EML5: variants seen among roughly 807,000 people sequenced by gnomAD.
EML5 encodes EMAP like 5, also known as echinoderm microtubule-associated protein-like 5.
In EML5, 120 loss-of-function variants were observed where a neutral mutation model predicts 250.0. That is an observed-to-expected ratio of 0.48 (90% CI 0.41 to 0.56). The LOEUF (loss-of-function observed/expected upper bound fraction) is 0.56, where lower values mean the gene tolerates loss of function less well. Ranked by LOEUF, EML5 falls within the 20% of genes least tolerant of loss-of-function variation. The probability of loss-of-function intolerance (pLI) is 0.00; values close to 1 mark genes in which losing one functional copy is unlikely to be tolerated. For missense variants in EML5, 2,006 were observed against 2,437.6 expected (o/e 0.82, Z 3.73); for synonymous variants, 771 against 806.5 (o/e 0.96, Z 0.75).
At position 88,705,565 on chromosome 14, in the gene EML5, C is replaced by A; in HGVS notation, c.1849G>T (p.Asp617Tyr). The change falls in exon 12 of 44, where the codon GAT becomes TAT. Residue 617 changes from aspartate to tyrosine, a missense_variant. Coordinates refer to ENST00000554922, the MANE Select transcript of EML5 (RefSeq NM_183387.3). ...TCAGACAGATCTGAATCTGATTCATCACTATGAGAGTCAGCCAGACTTTCT... is the reference window on the plus strand; with the variant it reads ...TCAGACAGATCTGAATCTGATTCATAACTATGAGAGTCAGCCAGACTTTCT... Reference protein sequence around the residue: ...PQESLADSHSDESDSDLSDVP... With the variant: ...PQESLADSHSYESDSDLSDVP... The A allele has an allele frequency of 6.3e-7, 1 of 1,596,774 alleles. No homozygotes were observed. The highest frequency in any genetic ancestry group is 1.1e-5 in the South Asian group (1 of 87,996).
In EML5 at chr14:88,642,933, A is replaced by C; in HGVS notation, c.4197T>G (p.Tyr1399Ter). ...GCAGAATTCCAACAGATGCAGTGTG[A>C]TAAATTATATCATCACCATCATTTA... ...HYLNDGDDII[Y>*]HTASVGILHN... Residue 1399 changes from tyrosine (Y) to a stop codon, truncating the protein, a stop_gained, in exon 31 of 44, where the codon TAT becomes TAG. Transcript: ENST00000554922. LOFTEE classifies it high-confidence loss of function. The C allele has an allele frequency of 6.2e-7, 1 of 1,606,776 alleles. No individual in the cohort carries two copies. The highest frequency in any genetic ancestry group is 8.5e-7 in the Non-Finnish European group (1 of 1,177,728).
intron 14 of EML5, among the ~76,000 whole-genome samples, chr14:88,699,832 C>CA (rs2093166661): frequency 6.6e-6 from 1 of 152,102 alleles, no homozygotes; most frequent in Admixed American, 6.6e-5. Flanking sequence ...AAGAAGGAAA[C>CA]ACGAAACGAT....
Position 88,624,981 on chromosome 14 carries a change from TC to T in EML5, c.4886del (p.Gly1629GlufsTer19). 1 of 1,613,340 alleles carries T rather than the reference TC, an allele frequency of 6.2e-7. No homozygotes were observed. The highest frequency in any genetic ancestry group is 8.5e-7 in the Non-Finnish European group (1 of 1,179,588). On this transcript the variant is annotated frameshift_variant, in exon 36 of 44. Transcript: ENST00000554922. LOFTEE classifies it high-confidence loss of function. ...TLRDGLIVTG[G>X]KERPSKEGGA... ...GAAAGAGGACTCACGGCCTTTCCTTTCCCCCAGTCACGATAAGTCCATCTCG... is the reference window on the plus strand; with the variant it reads ...GAAAGAGGACTCACGGCCTTTCCTTTCCCCAGTCACGATAAGTCCATCTCG...
chr14:88,647,520 G>A (rs1357142849), intron 28 of EML5, among the ~76,000 whole-genome samples: 4 of 151,744 alleles, frequency 2.6e-5, no homozygotes, highest in African/African-American at 7.3e-5. Flanking sequence ...AACACTGTGA[G>A]ACCCCATCTC....
rs546943104 is a variant in EML5 at position 88,638,844 on chromosome 14, G to C, written c.4301C>G (p.Pro1434Arg). 1 of 1,597,468 alleles carries C rather than the reference G, an allele frequency of 6.3e-7. No homozygotes were observed. The highest frequency in any genetic ancestry group is 1.3e-5 in the African/African-American group (1 of 74,730). ...AGTTGCCACTATGTTGATAAATTTG[G>C]GGTGCTGGTTTACTGTGAGGCACAG... ...DILCLTVNQHPKFINIVATGQ... is the reference protein window; with the variant it reads ...DILCLTVNQHRKFINIVATGQ... Residue 1434 changes from proline to arginine, a missense_variant, in exon 32 of 44, where the codon CCC becomes CGC. By Grantham distance (103) the Pro-to-Arg change is moderately radical. This residue lies in a region of EML5 where 1,375 missense variants were observed against 1,590.3 expected (regional missense o/e 0.86). Transcript: ENST00000554922.
chr14:88,746,484 GA>G, intron 2 of EML5, among the ~76,000 whole-genome samples: 2 of 152,214 alleles, frequency 1.3e-5, no homozygotes, highest in South Asian at 4.1e-4. Context: ...TTCACATTAT[GA>G]AACAGAAGAG....
chr14:88,777,013 G>C (rs764684675), intron 1 of EML5, among the ~76,000 whole-genome samples: 15 of 152,092 alleles, frequency 9.9e-5, no homozygotes, highest in Non-Finnish European at 1.5e-4. Flanking sequence ...GGAGTAGAAA[G>C]GTTATTCAAA....
chr14:88,712,273 T>C lies in EML5; in HGVS notation c.1655A>G (p.Lys552Arg). 6.2e-7 allele frequency: 1 copy of C among 1,604,202 alleles called. No homozygotes were observed. The highest frequency in any genetic ancestry group is 1.1e-5 in the South Asian group (1 of 90,606). ...IKLFRYPCLR[K>R]GAKFRKYIGH... is the part of the protein sequence containing the mutation. ...TAATATTTTGAAAGAAAAGGTACCTTTTCTTAAACATGGATATCGGAATAA... is the reference window on the plus strand; with the variant it reads ...TAATATTTTGAAAGAAAAGGTACCTCTTCTTAAACATGGATATCGGAATAA... The change falls in exon 10 of 44, where the codon AAA (lysine) becomes AGA (arginine). Residue 552 changes from lysine (K) to arginine (R), a missense_variant and splice_region_variant. Lys to Arg is a conservative substitution (Grantham distance 26, BLOSUM62 2). Around this residue, in one of 7 missense-constraint regions of EML5, gnomAD observed 1,375 missense variants for 1,590.3 expected, o/e 0.86. Coordinates refer to ENST00000554922, the MANE Select transcript of EML5 (RefSeq NM_183387.3).
chr14:88,719,619 A>ATAATT (rs750743713), intron 8 of EML5, among the ~76,000 whole-genome samples: 69 of 152,226 alleles, frequency 4.5e-4, no homozygotes, highest in Middle Eastern at 3.4e-3. Flanking sequence ...ATGTGTATAT[A>ATAATT]TAATTTTCTA....
rs546134502 is a variant in EML5 at position 88,674,487 on chromosome 14, C to T, written c.3124+7403G>A. 8.5e-5 allele frequency among the ~76,000 whole-genome samples: 13 copies of T among 152,188 alleles called. No homozygotes were observed. In the South Asian group the frequency reaches 2.3e-3, roughly 27 times the overall value. ...CCAGACACATAAAACCATCAGATGT[C>T]GTGAGACTCACTATCACGAGAACAG... On this transcript the variant is annotated intron_variant, in intron 21 of 43. Transcript: ENST00000554922.
At chr14:88,642,779 G>T in intron 31 of EML5, 114 bp downstream of exon 31, 1 of 996,464 alleles carries the variant, frequency 1.0e-6, no homozygotes, top group Non-Finnish European at 1.5e-6. Context: ...ATTCTGGAGT[G>T]TTTCTCCTAC....
In EML5 at chr14:88,772,525, C is replaced by CA. The variant is rs2094403892; in HGVS notation, c.198-17855dup. Among the ~76,000 whole-genome samples the CA allele has an allele frequency of 2.0e-5, 3 of 152,172 alleles. No individual in the cohort carries two copies. The South Asian group carries it at 6.2e-4, about 32-fold the overall frequency. ...GTAACAGCACTTTGGGAGGCTGAGG[C>CA]AGGCAGATCACGAGGTCAGGAGTTC... On this transcript the variant is annotated intron_variant, in intron 1 of 43. Transcript: ENST00000554922.
rs1426228335 is a variant in EML5 at position 88,774,435 on chromosome 14, T to C, written c.197+17872A>G. Among the ~76,000 whole-genome samples, 7 of 152,262 alleles carry C rather than the reference T, an allele frequency of 4.6e-5. No individual in the cohort carries two copies. In the East Asian group the frequency reaches 1.3e-3, roughly 29 times the overall value. On this transcript the variant is annotated intron_variant, in intron 1 of 43. Transcript: ENST00000554922. Reference sequence around the variant, plus strand: ...AACGAATCTTGAAAGAGGCTAGTTTTGTGTACCAATAATGACATGACTCAT... The same window carrying C: ...AACGAATCTTGAAAGAGGCTAGTTTCGTGTACCAATAATGACATGACTCAT...
intron 17 of EML5, 61 bp downstream of exon 17, chr14:88,694,246 T>C (rs150750550): frequency 1.6e-6 from 2 of 1,224,408 alleles, no homozygotes; most frequent in African/African-American, 1.5e-5. Flanking sequence ...CTTAGCTAAA[T>C]TACTTTCAAA....
chr14:88,725,927 A>T (rs2093659702), intron 8 of EML5, among the ~76,000 whole-genome samples: 1 of 152,212 alleles, frequency 6.6e-6, no homozygotes, highest in Non-Finnish European at 1.5e-5. Flanking sequence ...TGAATTGAGC[A>T]ACTGAGCGAA....
At chr14:88,656,581 C>T (rs1392777581) in intron 27 of EML5, among the ~76,000 whole-genome samples, 3 of 152,082 alleles carry the variant, frequency 2.0e-5, no homozygotes, top group Non-Finnish European at 4.4e-5. Context: ...CAAACCTGCA[C>T]GTTCTGCACA....
intron 14 of EML5, among the ~76,000 whole-genome samples, chr14:88,699,337 G>T (rs909751186): frequency 1.3e-4 from 19 of 151,928 alleles, no homozygotes; most frequent in Admixed American, 1.1e-3. Context: ...AGATAAAAAG[G>T]GGAGTTGGAG....
chr14:88,691,937 C>T (rs372384304), intron 17 of EML5, among the ~76,000 whole-genome samples: 1 of 152,184 alleles, frequency 6.6e-6, no homozygotes, highest in African/African-American at 2.4e-5. Context: ...ATTTTCACTG[C>T]AAGAATATTT....
At chr14:88,790,999 C>G (rs896081098) in intron 1 of EML5, among the ~76,000 whole-genome samples, 2 of 152,150 alleles carry the variant, frequency 1.3e-5, no homozygotes, top group African/African-American at 4.8e-5. Flanking sequence ...AAAAAGCACT[C>G]TGGTGTCCAA....
Sources: gnomAD v4.1 joint callset for allele counts (sites outside exome capture counted in the v4.1 genomes callset) on GRCh38, gnomAD v4.1.1 for gene constraint, gnomAD v4.1.1 regional missense constraint, MANE v1.5 for transcripts, NCBI Gene and HGNC (gene_info 2026-07-23, HGNC 2026-07-21) for gene names.